DTWD2: variants seen among roughly 807,000 people sequenced by gnomAD.
The protein encoded by DTWD2 is tRNA-uridine aminocarboxypropyltransferase 2.
A neutral mutation model predicts 31.8 loss-of-function variants in DTWD2; 39 were observed. The observed-to-expected ratio is 1.22, with a 90% CI of 0.95 to 1.60. DTWD2 has a LOEUF of 1.60. DTWD2 is among the 40% of genes most tolerant of loss of function. The pLI is 0.00. For missense variants in DTWD2, 515 were observed against 381.5 expected (o/e 1.35, Z -2.92); for synonymous variants, 180 against 142.8 (o/e 1.26, Z -1.86).
intron 1 of DTWD2, chr5:118,987,992 G>C: frequency 1.5e-6 from 1 of 668,932 alleles, no homozygotes. Context: ...AAGTATTACT[G>C]TCATCACCCC....
At chr5:118,970,155 AG>A (rs1754951814) in intron 1 of DTWD2, among the ~76,000 whole-genome samples, 1 of 152,230 alleles carries the variant, frequency 6.6e-6, no homozygotes, top group Non-Finnish European at 1.5e-5. Context: ...GACTGAGCAC[AG>A]TGGCTCACGC....
intron 1 of DTWD2, 48 bp from the exon 2 acceptor site, chr5:118,944,697 T>C (rs1305363189): frequency 3.8e-6 from 6 of 1,570,390 alleles, no homozygotes; most frequent in Admixed American, 3.5e-5. Context: ...AAAAATACAA[T>C]GATATAACAA....
chr5:118,962,254 T>C (rs1183983466), intron 1 of DTWD2, among the ~76,000 whole-genome samples: 6 of 152,072 alleles, frequency 3.9e-5, no homozygotes, highest in Admixed American at 3.9e-4. Flanking sequence ...AAAAGAAAAT[T>C]ATTTGCTATA....
At chr5:118,978,199 C>T (rs1271101877) in intron 1 of DTWD2, among the ~76,000 whole-genome samples, 1 of 152,000 alleles carries the variant, frequency 6.6e-6, no homozygotes, top group African/African-American at 2.4e-5. Flanking sequence ...TGGTCCTCTT[C>T]CTTACACCTT....
chr5:118,894,607 A>C (rs1753041990), intron 4 of DTWD2, among the ~76,000 whole-genome samples: 2 of 152,218 alleles, frequency 1.3e-5, no homozygotes, highest in East Asian at 3.9e-4. Context: ...ATGAACACAA[A>C]TGTAAAAAGT....
chr5:118,976,790 T>C (rs1205392442), intron 1 of DTWD2, among the ~76,000 whole-genome samples: 1 of 152,196 alleles, frequency 6.6e-6, no homozygotes, highest in Admixed American at 6.5e-5. Flanking sequence ...CTTCTGAAAC[T>C]ATTTCAAATA....
At chr5:118,947,467 A>C (rs148673919) in intron 1 of DTWD2, among the ~76,000 whole-genome samples, 241 of 152,332 alleles carry the variant, frequency 1.6e-3, no homozygotes, top group African/African-American at 5.4e-3. Context: ...CCGAAGCAAC[A>C]GCATCAAGCC....
intron 1 of DTWD2, chr5:118,974,049 C>G: frequency 1.2e-6 from 2 of 1,605,670 alleles, no homozygotes; most frequent in East Asian, 2.2e-5. Context: ...GAGACAGCTA[C>G]GGGCAAGCGG....
At chr5:118,939,419 T>C (rs1754130807) in intron 2 of DTWD2, 129 bp from the exon 3 acceptor site, 2 of 778,682 alleles carry the variant, frequency 2.6e-6, no homozygotes, top group East Asian at 6.2e-5. Context: ...AAGACCACAG[T>C]TTAATAAAAA....
chr5:118,856,282 T>C (rs1439642156), intron 4 of DTWD2, among the ~76,000 whole-genome samples: 1 of 152,230 alleles, frequency 6.6e-6, no homozygotes, highest in African/African-American at 2.4e-5. Flanking sequence ...CTATAACTTG[T>C]CTTTTTAACA....
chr5:118,872,007 T>G (rs929071270), intron 4 of DTWD2, among the ~76,000 whole-genome samples: 4 of 152,226 alleles, frequency 2.6e-5, no homozygotes, highest in Non-Finnish European at 5.9e-5. Context: ...ACATCAGCAC[T>G]TGACGATTCA....
At chr5:118,844,443 A>C (rs1277234137) in intron 5 of DTWD2, among the ~76,000 whole-genome samples, 6 of 152,314 alleles carry the variant, frequency 3.9e-5, no homozygotes, top group Non-Finnish European at 7.4e-5. Context: ...TTTAGTTCAG[A>C]CTTTCTTTTG....
At chr5:118,951,425 A>T (rs142095038) in intron 1 of DTWD2, among the ~76,000 whole-genome samples, 115 of 152,294 alleles carry the variant, frequency 7.6e-4, no homozygotes, top group African/African-American at 2.7e-3. Flanking sequence ...GACGAGTTGC[A>T]TTGGGAGCAG....
intron 1 of DTWD2, among the ~76,000 whole-genome samples, chr5:118,983,099 G>A (rs1755343133): frequency 6.6e-6 from 1 of 152,132 alleles, no homozygotes; most frequent in African/African-American, 2.4e-5. Flanking sequence ...TTTGAAGACT[G>A]ATTTACCAGT....
At chr5:118,841,693 G>A (rs1751717999) in intron 5 of DTWD2, among the ~76,000 whole-genome samples, 1 of 151,802 alleles carries the variant, frequency 6.6e-6, no homozygotes, top group Non-Finnish European at 1.5e-5. Flanking sequence ...AAACTGGGTG[G>A]ATCTTTACAA....
intron 4 of DTWD2, among the ~76,000 whole-genome samples, chr5:118,850,477 CAAAAA>C (rs34808087): frequency 0.013 from 391 of 30,342 alleles, no homozygotes; most frequent in Admixed American, 0.017. Flanking sequence ...GACCCCACCA[CAAAAA>C]AAAAAAAAAA....
chr5:118,980,280 C>T (rs1755270099), intron 1 of DTWD2, among the ~76,000 whole-genome samples: 1 of 152,182 alleles, frequency 6.6e-6, no homozygotes, highest in Non-Finnish European at 1.5e-5. Flanking sequence ...GGACGCAAAC[C>T]CACTGTGTGC....
At chr5:118,965,588 T>C (rs1179919360) in intron 1 of DTWD2, among the ~76,000 whole-genome samples, 1 of 152,234 alleles carries the variant, frequency 6.6e-6, no homozygotes, top group African/African-American at 2.4e-5. Context: ...AGAAAAATTC[T>C]TCTGCCTTGG....
At chr5:118,948,327 A>G (rs921820332) in intron 1 of DTWD2, among the ~76,000 whole-genome samples, 8 of 152,114 alleles carry the variant, frequency 5.3e-5, no homozygotes, top group Non-Finnish European at 1.2e-4. Context: ...TACAAAAAAA[A>G]AAAATTAGCC....
Sources: gnomAD v4.1 joint callset for allele counts (sites outside exome capture counted in the v4.1 genomes callset) on GRCh38, gnomAD v4.1.1 for gene constraint, MANE v1.5 for transcripts, NCBI Gene and HGNC (gene_info 2026-07-23, HGNC 2026-07-21) for gene names.